The following BORCS5 variants were observed in gnomAD, a reference collection of about 807,000 sequenced individuals.
BORCS5 encodes BLOC-1-related complex subunit 5.
Under a neutral mutation model 22.1 loss-of-function variants are expected in BORCS5, and 17 were observed. The observed-to-expected ratio is 0.77, with a 90% CI of 0.53 to 1.15. The LOEUF (loss-of-function observed/expected upper bound fraction) is 1.15. Among genes scored for constraint, BORCS5 ranks in the 50% most tolerant of loss-of-function variants. BORCS5 has a pLI of 0.00. For missense variants in BORCS5, 247 were observed against 253.2 expected, an observed-to-expected ratio of 0.98 and a Z score of 0.17; for synonymous variants, 117 against 99.8, an observed-to-expected ratio of 1.17 and a Z score of -1.03.
In BORCS5 at chr12:12,410,254, G is replaced by T. The variant is rs1324682399; in HGVS notation, c.203-25374G>T. Reference sequence around the variant, plus strand: ...AATTAGATCCCATTTGTCAATTTTGGCTTTTGTTGCCATTGCTTTTGGTGT... The same window carrying T: ...AATTAGATCCCATTTGTCAATTTTGTCTTTTGTTGCCATTGCTTTTGGTGT... On this transcript the variant is annotated intron_variant, in intron 2 of 3. Coordinates refer to ENST00000314565, the MANE Select transcript of BORCS5 (RefSeq NM_058169.6). Among the ~76,000 whole-genome samples the T allele has an allele frequency of 5.9e-5, 9 of 152,210 alleles. No individual in the cohort carries two copies. The South Asian group carries it at 8.3e-4, about 14-fold the overall frequency.
chr12:12,390,621 C>CTTT, intron 2 of BORCS5, among the ~76,000 whole-genome samples: 1 of 144,116 alleles, frequency 6.9e-6, no homozygotes. Context: ...ACCTTATCTC[C>CTTT]TTTTTTTTTT....
intron 2 of BORCS5, among the ~76,000 whole-genome samples, chr12:12,390,640 ATC>A (rs1366956837): frequency 1.4e-5 from 2 of 147,862 alleles, no homozygotes; most frequent in African/African-American, 2.5e-5. Flanking sequence ...TTTTGACCTT[ATC>A]TCAATAAGGT....
At chr12:12,362,327 A>C (rs568234794) in intron 2 of BORCS5, among the ~76,000 whole-genome samples, 16 of 152,338 alleles carry the variant, frequency 1.1e-4, no homozygotes, top group Admixed American at 9.2e-4. Context: ...AGAAAACAAA[A>C]ACAAATGGTG....
chr12:12,400,016 G>A lies in BORCS5; in HGVS notation c.203-35612G>A, dbSNP rs572615732. Among the ~76,000 whole-genome samples the A allele has an allele frequency of 1.5e-4, 23 of 152,318 alleles. No homozygotes were observed. In the South Asian group the frequency reaches 2.1e-3, roughly 14 times the overall value. ...TGTTATTAAATAAGATGTGCAAATAGAGGAAAATTTTGAGAAGTATGAACA... is the reference window on the plus strand; with the variant it reads ...TGTTATTAAATAAGATGTGCAAATAAAGGAAAATTTTGAGAAGTATGAACA... On this transcript the variant is annotated intron_variant, in intron 2 of 3. Coordinates refer to ENST00000314565, the MANE Select transcript of BORCS5 (RefSeq NM_058169.6).
intron 2 of BORCS5, among the ~76,000 whole-genome samples, chr12:12,367,027 T>C (rs988435536): frequency 1.3e-5 from 2 of 152,228 alleles, no homozygotes; most frequent in Non-Finnish European, 2.9e-5. Context: ...GGTGTTTGGT[T>C]GTTAAGAACA....
At chr12:12,368,688 C>G (rs1015799260) in intron 2 of BORCS5, among the ~76,000 whole-genome samples, 3 of 151,838 alleles carry the variant, frequency 2.0e-5, no homozygotes, top group Non-Finnish European at 4.4e-5. Context: ...AAGCAGACCT[C>G]CCATCCTGGC....
intron 3 of BORCS5, among the ~76,000 whole-genome samples, chr12:12,446,553 A>AT (rs1942795128): frequency 6.6e-6 from 1 of 152,204 alleles, no homozygotes; most frequent in Non-Finnish European, 1.5e-5. Context: ...GTTAGTTGGT[A>AT]GGAGACTTGC....
At chr12:12,435,503 A>G (rs767474013) in intron 2 of BORCS5, 125 bp from the exon 3 acceptor site, 22 of 785,588 alleles carry the variant, frequency 2.8e-5, no homozygotes, top group Non-Finnish European at 4.4e-5. Context: ...TGTCATTAAC[A>G]TATAACAAAA....
intron 2 of BORCS5, among the ~76,000 whole-genome samples, chr12:12,373,088 A>T (rs757004328): frequency 3.9e-5 from 6 of 152,174 alleles, no homozygotes; most frequent in Non-Finnish European, 8.8e-5. Context: ...TGATTTGATC[A>T]TGAGGGTGGA....
chr12:12,431,608 G>T (rs1485141261), intron 2 of BORCS5, among the ~76,000 whole-genome samples: 1 of 151,976 alleles, frequency 6.6e-6, no homozygotes, highest in Non-Finnish European at 1.5e-5. Context: ...CACCATGTTG[G>T]CCAGGATGGT....
At chr12:12,404,446 AAC>A (rs1941548600) in intron 2 of BORCS5, among the ~76,000 whole-genome samples, 1 of 152,194 alleles carries the variant, frequency 6.6e-6, no homozygotes, top group South Asian at 2.1e-4. Flanking sequence ...ATGGGCAAAA[AAC>A]AGGAGTAACT....
intron 2 of BORCS5, among the ~76,000 whole-genome samples, chr12:12,390,026 C>T (rs1941131907): frequency 6.6e-6 from 1 of 152,078 alleles, no homozygotes; most frequent in Non-Finnish European, 1.5e-5. Context: ...CTTTGCTTTC[C>T]CACCTCTAAA....
intron 1 of BORCS5, among the ~76,000 whole-genome samples, chr12:12,359,850 T>G (rs1401752288): frequency 2.6e-5 from 4 of 152,078 alleles, no homozygotes; most frequent in Non-Finnish European, 5.9e-5. Flanking sequence ...CAATAACTTG[T>G]AGATGTCTAA....
rs187396591 is a variant in BORCS5 at position 12,363,138 on chromosome 12, A to G, written c.202+1789A>G. On this transcript the variant is annotated intron_variant, in intron 2 of 3. Coordinates refer to ENST00000314565, the MANE Select transcript of BORCS5 (RefSeq NM_058169.6). Reference sequence around the variant, plus strand: ...CAATGAGACTCTGTCTCAACAGATAATACAAAAAATTAGCCAGGCATGGTG... The same window carrying G: ...CAATGAGACTCTGTCTCAACAGATAGTACAAAAAATTAGCCAGGCATGGTG... Among the ~76,000 whole-genome samples, 317 of 151,924 alleles carry G rather than the reference A, an allele frequency of 2.1e-3. 1 individual carries two copies. The highest frequency in any genetic ancestry group is 6.8e-3 in the Middle Eastern group (2 of 294).
At chr12:12,446,720 G>A (rs958613112) in intron 3 of BORCS5, among the ~76,000 whole-genome samples, 2 of 152,140 alleles carry the variant, frequency 1.3e-5, no homozygotes, top group Non-Finnish European at 2.9e-5. Flanking sequence ...TTTAGTTGAC[G>A]TCCTGGCGAT....
chr12:12,370,628 G>A (rs559396336), intron 2 of BORCS5, among the ~76,000 whole-genome samples: 7 of 152,164 alleles, frequency 4.6e-5, no homozygotes, highest in East Asian at 1.9e-4. Context: ...AAATCAGTGC[G>A]GGAACAGTCA....
intron 3 of BORCS5, among the ~76,000 whole-genome samples, chr12:12,441,500 C>G (rs1164315238): frequency 6.6e-6 from 1 of 151,998 alleles, no homozygotes; most frequent in African/African-American, 2.4e-5. Flanking sequence ...TGGTACAGTT[C>G]TAGGGACCAC....
chr12:12,402,854 T>A (rs1248591786), intron 2 of BORCS5, among the ~76,000 whole-genome samples: 1 of 152,216 alleles, frequency 6.6e-6, no homozygotes, highest in Non-Finnish European at 1.5e-5. Flanking sequence ...CCTTCTAAGG[T>A]ATAATTTAGC....
chr12:12,453,490 C>G (rs1942949349), intron 3 of BORCS5, among the ~76,000 whole-genome samples: 1 of 152,130 alleles, frequency 6.6e-6, no homozygotes, highest in Non-Finnish European at 1.5e-5. Flanking sequence ...TTCATAGTGC[C>G]TAGTCCTGGA....
Sources: allele counts gnomAD v4.1 joint callset (sites outside exome capture counted in the v4.1 genomes callset), GRCh38; gene constraint gnomAD v4.1.1; transcripts MANE v1.5; gene names NCBI Gene and HGNC (gene_info 2026-07-23, HGNC 2026-07-21).